Variants in SNX31 observed in about 807,000 individuals in gnomAD.
SNX31 encodes sorting nexin-31.
In SNX31, 58 loss-of-function variants were observed where a neutral mutation model predicts 65.4. That is an observed-to-expected ratio of 0.89 (90% CI 0.72 to 1.10). The LOEUF (loss-of-function observed/expected upper bound fraction) is 1.10, where lower values mean the gene tolerates loss of function less well. Ranked by LOEUF, SNX31 falls within the 50% of genes least tolerant of loss-of-function variation. SNX31 has a pLI of 0.00. For synonymous variants in SNX31, 181 were observed against 190.1 expected (o/e 0.95, Z 0.39); for missense variants, 523 against 529.7 (o/e 0.99, Z 0.12).
Position 100,656,640 on chromosome 8 carries a change from CAAAAAAAAAAA to C in SNX31, c.-58+6491_-58+6501del, listed in dbSNP as rs34052612. Among the ~76,000 whole-genome samples, 5 of 44,600 alleles carry C rather than the reference CAAAAAAAAAAA, an allele frequency of 1.1e-4. No homozygotes were observed. The Admixed American group carries it at 1.7e-3, about 15-fold the overall frequency. 29.3% of individuals were successfully genotyped at this position (44,600 alleles called of 152,430 possible). A position where few individuals can be genotyped will look rare whatever the true frequency, so the allele number is the denominator to read the frequency against. On this transcript the variant is annotated intron_variant, in intron 1 of 5. Transcript: ENST00000520352. ...TGGGCAACAGAGTGAGACTCTGTCTCAAAAAAAAAAAAAAAAAAAAAAAAAACCTTTAAGAG... is the reference window on the plus strand; with the variant it reads ...TGGGCAACAGAGTGAGACTCTGTCTCAAAAAAAAAAAAAAACCTTTAAGAG...
intron 8 of SNX31, among the ~76,000 whole-genome samples, chr8:100,605,476 A>G (rs1816064383): frequency 6.6e-6 from 1 of 152,208 alleles, no homozygotes; most frequent in African/African-American, 2.4e-5. Context: ...GACATCAACT[A>G]CAATTTTTTG....
chr8:100,634,399 C>CT (rs113824892), intron 3 of SNX31, among the ~76,000 whole-genome samples: 1 of 151,352 alleles, frequency 6.6e-6, no homozygotes, highest in Non-Finnish European at 1.5e-5. Flanking sequence ...AATCCAGAAA[C>CT]TTTTTTTTTA....
In SNX31 at chr8:100,617,681, G is replaced by A. The variant is rs1477748520; in HGVS notation, c.371C>T (p.Pro124Leu). 6.2e-6 allele frequency: 10 copies of A among 1,613,334 alleles called. No individual in the cohort carries two copies. Among genetic ancestry groups the A allele is most frequent in the African/African-American group, 2.7e-5 (2 of 74,842 alleles). Residue 124 changes from proline (P) to leucine (L), a missense_variant, in exon 5 of 14, where the codon CCC becomes CTC. Coordinates refer to ENST00000311812, the MANE Select transcript of SNX31 (RefSeq NM_152628.4). ...TKKAYLDIFLPNEQSIRIEII... is the reference protein window; with the variant it reads ...TKKAYLDIFLLNEQSIRIEII... ...TTCGATTCTAATACTCTGTTCATTGGGCAGAAATATGTCCAGATAAGCTTT... is the reference window on the plus strand; with the variant it reads ...TTCGATTCTAATACTCTGTTCATTGAGCAGAAATATGTCCAGATAAGCTTT...
rs989758944 is a variant in SNX31 at position 100,575,786 on chromosome 8, G to GACC, written c.1227+1230_1227+1232dup. Among the ~76,000 whole-genome samples the GACC allele has an allele frequency of 2.0e-4, 30 of 152,276 alleles. No individual in the cohort carries two copies. Among genetic ancestry groups the GACC allele is most frequent in the African/African-American group, 7.2e-4 (30 of 41,570 alleles). The stretch of plus-strand genomic sequence containing the variant: ...GGTTCCAATTCTGGTTGTATAATAG[G>GACC]ACCACTTGGGGAGCTTTTAAAAATT... On this transcript the variant is annotated intron_variant, in intron 13 of 13. Transcript: ENST00000311812. The surrounding 1 kb of genome is among the most constrained non-coding windows in gnomAD (Gnocchi z 5.1).
intron 4 of SNX31, among the ~76,000 whole-genome samples, chr8:100,621,984 C>T (rs1817731211): frequency 6.6e-6 from 1 of 152,226 alleles, no homozygotes; most frequent in South Asian, 2.1e-4. Flanking sequence ...TAGAGAAGAG[C>T]AGGGTTTGGG....
chr8:100,636,885 C>A (rs1301488228), intron 2 of SNX31, among the ~76,000 whole-genome samples: 1 of 152,106 alleles, frequency 6.6e-6, no homozygotes, highest in Non-Finnish European at 1.5e-5. Context: ...CCAGGCCAGG[C>A]TAATTTTGTA....
intron 2 of SNX31, among the ~76,000 whole-genome samples, chr8:100,637,022 G>A (rs1007531395): frequency 3.3e-5 from 5 of 152,064 alleles, no homozygotes; most frequent in African/African-American, 1.2e-4. Context: ...CACCCGGCCG[G>A]GTGACTCACA....
intron 2 of SNX31, 99 bp downstream of exon 2, chr8:100,649,175 C>T: frequency 8.4e-7 from 1 of 1,188,708 alleles, no homozygotes; most frequent in Non-Finnish European, 1.2e-6. Context: ...CCGTGAAAGG[C>T]CCAGTGTCTT....
rs1387187758 is a variant in SNX31, at chr8:100,660,504, G to A, written c.-58+2638C>T. 6.6e-6 allele frequency among the ~76,000 whole-genome samples: 1 copy of A among 152,200 alleles called. No homozygotes were observed. Among genetic ancestry groups the A allele is most frequent in the Non-Finnish European group, 1.5e-5 (1 of 68,038 alleles). On this transcript the variant is annotated intron_variant, in intron 1 of 5. Coordinates refer to the SNX31 transcript ENST00000520352. The surrounding 1 kb of genome is among the most constrained non-coding windows in gnomAD (Gnocchi z 4.1). ...CAGGCTCTTCAGAGTGATACTAAAT[G>A]ATTGTGTTTTACACAAGAGATCAAA...
intron 3 of SNX31, among the ~76,000 whole-genome samples, chr8:100,633,827 A>C (rs1182476094): frequency 6.6e-6 from 1 of 152,256 alleles, no homozygotes; most frequent in Non-Finnish European, 1.5e-5. Flanking sequence ...TGGGTGGCGT[A>C]TACAGAAATG....
chr8:100,618,369 T>TG, intron 4 of SNX31: 1 of 1,532,272 alleles, frequency 6.5e-7, no homozygotes, highest in Non-Finnish European at 8.7e-7. Context: ...AAAGCCCATA[T>TG]CCCTGATTTT....
Position 100,612,855 on chromosome 8 carries a change from C to A in SNX31, c.523+140G>T. 4.0e-6 allele frequency: 3 copies of A among 748,930 alleles called. No homozygotes were observed. Among genetic ancestry groups the A allele is most frequent in the East Asian group, 2.6e-5 (1 of 39,160 alleles). 46.4% of individuals were successfully genotyped at this position (748,930 alleles called of 1,614,324 possible). ...AGGACGCAACCTCCTATTCCCTAAA[C>A]CCTTAACCCAGTGACTGAGAACAGT... On this transcript the variant is annotated intron_variant, in intron 6 of 13. Coordinates refer to ENST00000311812, the MANE Select transcript of SNX31 (RefSeq NM_152628.4). The surrounding 1 kb of genome is among the most constrained non-coding windows in gnomAD (Gnocchi z 4.3).
chr8:100,657,408 C>A (rs966974840), intron 1 of SNX31, among the ~76,000 whole-genome samples: 1 of 149,166 alleles, frequency 6.7e-6, no homozygotes, highest in Non-Finnish European at 1.5e-5. Flanking sequence ...GCCAAGATCG[C>A]GCCATTGTGC....
chr8:100,599,345 G>A (rs992157722), intron 9 of SNX31, among the ~76,000 whole-genome samples: 3 of 152,210 alleles, frequency 2.0e-5, no homozygotes, highest in East Asian at 3.9e-4. Flanking sequence ...CTTGGTTGTG[G>A]TGTACACAGT....
intron 9 of SNX31, among the ~76,000 whole-genome samples, chr8:100,598,742 C>A (rs1815338633): frequency 6.6e-6 from 1 of 152,126 alleles, no homozygotes; most frequent in African/African-American, 2.4e-5. Context: ...TCATTTTGAT[C>A]AGGGATTGGT....
In SNX31 at chr8:100,622,567, C is replaced by T. The variant is rs531203869; in HGVS notation, c.322-4837G>A. Among the ~76,000 whole-genome samples the T allele has an allele frequency of 1.1e-3, 166 of 152,202 alleles. No individual in the cohort carries two copies. Among genetic ancestry groups the T allele is most frequent in the Non-Finnish European group, 1.4e-3 (93 of 68,010 alleles). ...TTGGGAGGCTGAGGCAGGAGAATCACTTGAACCCAGGAGGCGGAGGTTGCA... is the reference window on the plus strand; with the variant it reads ...TTGGGAGGCTGAGGCAGGAGAATCATTTGAACCCAGGAGGCGGAGGTTGCA... On this transcript the variant is annotated intron_variant, in intron 4 of 13. Coordinates refer to ENST00000311812, the MANE Select transcript of SNX31 (RefSeq NM_152628.4). This position sits in a 1 kb window ranked among gnomAD's most constrained non-coding sequence, Gnocchi z 5.0.
intron 10 of SNX31, among the ~76,000 whole-genome samples, chr8:100,590,098 A>G (rs1204713385): frequency 6.6e-6 from 1 of 152,208 alleles, no homozygotes; most frequent in Non-Finnish European, 1.5e-5. Flanking sequence ...TATCCTTCCA[A>G]TAAATCCCAT....
chr8:100,656,654 A>C (rs1281105542), intron 1 of SNX31, among the ~76,000 whole-genome samples: 2 of 151,690 alleles, frequency 1.3e-5, no homozygotes, highest in Non-Finnish European at 2.9e-5. Flanking sequence ...AAAAAAAAAA[A>C]AAAAAAAAAA....
rs1813964786 is a variant in SNX31, at chr8:100,585,520, T to C, written c.1093-1332A>G. 2.6e-5 allele frequency among the ~76,000 whole-genome samples: 4 copies of C among 152,114 alleles called. No homozygotes were observed. In the South Asian group the frequency reaches 8.3e-4, roughly 32 times the overall value. ...AATGGGCTACATACAGCTCTCAATG[T>C]CTTCCAGGGGTGTAGAGCATTACAG... On this transcript the variant is annotated intron_variant, in intron 11 of 13. Transcript: ENST00000311812.
Sources: allele counts gnomAD v4.1 joint callset (sites outside exome capture counted in the v4.1 genomes callset), GRCh38; gene constraint gnomAD v4.1.1; non-coding constraint Gnocchi (gnomAD v3.1); transcripts MANE v1.5; gene names NCBI Gene and HGNC (gene_info 2026-07-23, HGNC 2026-07-21).